FRMD6: variants seen among roughly 807,000 people sequenced by gnomAD.
FRMD6 encodes the protein FERM domain-containing protein 6.
Under a neutral mutation model 73.2 loss-of-function variants are expected in FRMD6, and 37 were observed. That is an observed-to-expected ratio of 0.51 (90% CI 0.39 to 0.66). The LOEUF (loss-of-function observed/expected upper bound fraction) is 0.66, where lower values mean the gene tolerates loss of function less well. Ranked by LOEUF, FRMD6 falls within the 30% of genes least tolerant of loss-of-function variation. The pLI, the probability that FRMD6 is intolerant of heterozygous loss-of-function variation, is 0.00. For missense variants in FRMD6, 714 were observed against 780.5 expected (o/e 0.91, Z 1.02); for synonymous variants, 273 against 282.2 (o/e 0.97, Z 0.33).
chr14:51,413,352 C>T, the FRMD6 span, among the ~76,000 whole-genome samples: 41 of 152,224 alleles, frequency 2.7e-4, no homozygotes, highest in East Asian at 7.7e-3. Context: ...ATGTTCCCCA[C>T]CCTGTGTCCA....
Position 51,722,099 on chromosome 14 carries a change from T to C in FRMD6, c.1492+19T>C. On this transcript the variant is annotated intron_variant, in intron 12 of 13. Transcript: ENST00000344768. ...CACTCTGGTGAGCTCTTACGGGAAGTTATTCTTCCTTGGTAGCAGGTTATC... is the reference window on the plus strand; with the variant it reads ...CACTCTGGTGAGCTCTTACGGGAAGCTATTCTTCCTTGGTAGCAGGTTATC... The C allele has an allele frequency of 1.2e-6, 2 of 1,612,894 alleles. No individual in the cohort carries two copies. The highest frequency in any genetic ancestry group is 1.7e-6 in the Non-Finnish European group (2 of 1,179,236).
chr14:51,552,549 G>A (rs1310438962), intron 1 of FRMD6, among the ~76,000 whole-genome samples: 2 of 152,208 alleles, frequency 1.3e-5, no homozygotes, highest in African/African-American at 4.8e-5. Flanking sequence ...GCATGACGGA[G>A]AGTCAGCGTT....
the FRMD6 span, among the ~76,000 whole-genome samples, chr14:51,480,627 G>A: frequency 6.6e-6 from 1 of 152,088 alleles, no homozygotes; most frequent in Non-Finnish European, 1.5e-5. Context: ...TTGATTAGGG[G>A]AGTCTTATGT....
chr14:51,604,816 C>T (rs945378669), intron 2 of FRMD6, among the ~76,000 whole-genome samples: 6 of 152,172 alleles, frequency 3.9e-5, no homozygotes, highest in Admixed American at 2.0e-4. Flanking sequence ...GCCCTCTCCA[C>T]GCCTCTGTAC....
intron 1 of FRMD6, among the ~76,000 whole-genome samples, chr14:51,530,082 TA>T (rs1203213793): frequency 2.6e-5 from 4 of 152,254 alleles, no homozygotes; most frequent in Non-Finnish European, 1.5e-5. Flanking sequence ...CAGCCACTGT[TA>T]AAAATTACAT....
chr14:51,682,766 T>A (rs937839732), intron 1 of FRMD6, among the ~76,000 whole-genome samples: 8 of 152,202 alleles, frequency 5.3e-5, no homozygotes, highest in African/African-American at 1.9e-4. Context: ...AGCTCTCTCC[T>A]TCCCAGCGTT....
In FRMD6 at chr14:51,656,488, A is replaced by G. The variant is rs564014469; in HGVS notation, c.-147+4492A>G. On this transcript the variant is annotated intron_variant, in intron 1 of 13. Transcript: ENST00000344768. ...GAGTGCAATGGCCTGATCTCAGCTC[A>G]CTGCAGCCTCCACCTCCCGGGTCCA... is the stretch of plus-strand genomic sequence containing the variant. 1.4e-4 allele frequency among the ~76,000 whole-genome samples: 21 copies of G among 149,970 alleles called. No homozygotes were observed. The East Asian group carries it at 2.2e-3, about 15-fold the overall frequency.
intron 1 of FRMD6, among the ~76,000 whole-genome samples, chr14:51,525,816 C>T (rs895844086): frequency 6.6e-6 from 1 of 152,094 alleles, no homozygotes; most frequent in African/African-American, 2.4e-5. Context: ...TTTTACTCTT[C>T]TAAAAGAAGG....
At chr14:51,599,313 C>G (rs1889902674) in intron 2 of FRMD6, among the ~76,000 whole-genome samples, 1 of 151,944 alleles carries the variant, frequency 6.6e-6, no homozygotes, top group Non-Finnish European at 1.5e-5. Context: ...AACTGATCCC[C>G]TCCCTTTCAC....
At chr14:51,450,820 G>A in the FRMD6 span, among the ~76,000 whole-genome samples, 1 of 152,130 alleles carries the variant, frequency 6.6e-6, no homozygotes, top group Non-Finnish European at 1.5e-5. Context: ...TGTTTGTTGA[G>A]GTCTGTTTTA....
the FRMD6 span, among the ~76,000 whole-genome samples, chr14:51,427,288 C>G: frequency 6.6e-6 from 1 of 152,170 alleles, no homozygotes; most frequent in African/African-American, 2.4e-5. Context: ...GCCATGCATG[C>G]AGGAGGAGGG....
intron 1 of FRMD6, among the ~76,000 whole-genome samples, chr14:51,507,629 G>A (rs1459329107): frequency 6.6e-6 from 1 of 152,140 alleles, no homozygotes. Flanking sequence ...TTCTGAAGCG[G>A]AGGACCTCCT....
intron 1 of FRMD6, among the ~76,000 whole-genome samples, chr14:51,529,631 A>G (rs1430152035): frequency 1.3e-5 from 2 of 152,196 alleles, no homozygotes; most frequent in South Asian, 2.1e-4. Flanking sequence ...ATAAGCAAGT[A>G]GTAAATATAA....
intron 2 of FRMD6, among the ~76,000 whole-genome samples, chr14:51,594,920 G>T (rs114095976): frequency 6.6e-6 from 1 of 152,206 alleles, no homozygotes; most frequent in Non-Finnish European, 1.5e-5. Flanking sequence ...TTGGATATTC[G>T]TTCCTTCCTT....
At chr14:51,636,497 G>A (rs1282075554) in intron 2 of FRMD6, among the ~76,000 whole-genome samples, 2 of 152,164 alleles carry the variant, frequency 1.3e-5, no homozygotes, top group Non-Finnish European at 2.9e-5. Context: ...TGGAGGAAAG[G>A]AGCCCTGTGA....
chr14:51,483,355 G>A, the FRMD6 span, among the ~76,000 whole-genome samples: 5 of 152,298 alleles, frequency 3.3e-5, no homozygotes, highest in South Asian at 1.0e-3. Context: ...GAAAGCACCA[G>A]GTGGTAACAA....
intron 1 of FRMD6, among the ~76,000 whole-genome samples, chr14:51,678,762 G>A (rs1016428296): frequency 1.4e-5 from 2 of 141,454 alleles, no homozygotes; most frequent in Non-Finnish European, 3.0e-5. Context: ...GAACGTGGAG[G>A]CATGCTTCAC....
the FRMD6 span, among the ~76,000 whole-genome samples, chr14:51,416,800 A>G: frequency 5.9e-5 from 9 of 152,296 alleles, no homozygotes; most frequent in African/African-American, 2.2e-4. Flanking sequence ...GTCTCTTTGT[A>G]GGTCTCTAAG....
At chr14:51,724,037 A>G (rs1897801209) in intron 12 of FRMD6, 2 of 152,046 alleles carry the variant, frequency 1.3e-5, no homozygotes. Flanking sequence ...TTCTTACATC[A>G]TCTTAGTTTT....
Sources: gnomAD v4.1 joint callset for allele counts (sites outside exome capture counted in the v4.1 genomes callset) on GRCh38, gnomAD v4.1.1 for gene constraint, MANE v1.5 for transcripts, NCBI Gene and HGNC (gene_info 2026-07-23, HGNC 2026-07-21) for gene names.